Variants in CAMSAP2 observed in about 807,000 individuals in gnomAD.
CAMSAP2 encodes the protein calmodulin regulated spectrin associated protein family member 2.
CAMSAP2 carries 26 observed loss-of-function variants against 146.1 expected under a neutral mutation model. The ratio of observed to expected loss-of-function variants is 0.18; its 90% CI spans 0.13 to 0.25. The LOEUF (loss-of-function observed/expected upper bound fraction) is 0.25. Among genes scored for constraint, CAMSAP2 ranks in the 10% least tolerant of loss-of-function variants. The pLI is 1.00. For missense variants in CAMSAP2, 1,381 were observed against 1,759.3 expected (o/e 0.78, Z 3.85); for synonymous variants, 499 against 596.6 (o/e 0.84, Z 2.38).
chr1:200,802,111 T>C (rs1666050571), intron 2 of CAMSAP2, among the ~76,000 whole-genome samples: 1 of 152,232 alleles, frequency 6.6e-6, no homozygotes, highest in Non-Finnish European at 1.5e-5. Flanking sequence ...TAAGAATGTC[T>C]TTGGATTGGA....
chr1:200,849,927 G>A lies in CAMSAP2; in HGVS notation c.3158G>A (p.Arg1053His), dbSNP rs749379760. 29 of 1,614,016 alleles carry A rather than the reference G, an allele frequency of 1.8e-5. No individual in the cohort carries two copies. Among genetic ancestry groups the A allele is most frequent in the Admixed American group, 6.7e-5 (4 of 59,990 alleles). The change falls in exon 11 of 17, where the codon CGT becomes CAT. Residue 1053 changes from arginine to histidine, a missense_variant. Coordinates refer to ENST00000358823, the MANE Select transcript of CAMSAP2 (RefSeq NM_203459.4). The surrounding 1 kb of genome is among the most constrained non-coding windows in gnomAD (Gnocchi z 6.3). ...GAATCCAAAGGGACTTTGGAACAGC[G>A]TGGACATAATCCAGAAGAAAAGGAA... The part of the protein sequence containing the change: ...ELESKGTLEQ[R>H]GHNPEEKEIK...
chr1:200,845,411 A>G (rs1046401909), intron 8 of CAMSAP2, among the ~76,000 whole-genome samples: 3 of 152,132 alleles, frequency 2.0e-5, no homozygotes, highest in African/African-American at 7.2e-5. Context: ...TAAGGAGGAC[A>G]CCGGGAATAA....
intron 4 of CAMSAP2, among the ~76,000 whole-genome samples, chr1:200,820,907 AC>A (rs1666743612): frequency 6.6e-6 from 1 of 152,098 alleles, no homozygotes; most frequent in Non-Finnish European, 1.5e-5. Context: ...AATTTAGAAA[AC>A]GGTAATTTTT....
chr1:200,777,523 A>T (rs1218413055), intron 2 of CAMSAP2, among the ~76,000 whole-genome samples: 2 of 152,146 alleles, frequency 1.3e-5, no homozygotes, highest in Non-Finnish European at 2.9e-5. Context: ...AGTACTAAAA[A>T]GTGCTCAACA....
At chr1:200,820,087 G>A (rs1415975932) in intron 4 of CAMSAP2, among the ~76,000 whole-genome samples, 1 of 150,292 alleles carries the variant, frequency 6.7e-6, no homozygotes, top group Non-Finnish European at 1.5e-5. Context: ...TTGAGACGGA[G>A]TTTTGCTCCG....
intron 2 of CAMSAP2, among the ~76,000 whole-genome samples, chr1:200,781,247 G>A (rs547568755): frequency 2.0e-5 from 3 of 152,246 alleles, no homozygotes; most frequent in South Asian, 4.1e-4. Context: ...TTTGAAGTAC[G>A]GCATATGTGA....
At chr1:200,782,576 A>T (rs1006699408) in intron 2 of CAMSAP2, among the ~76,000 whole-genome samples, 1 of 151,998 alleles carries the variant, frequency 6.6e-6, no homozygotes, top group Non-Finnish European at 1.5e-5. Flanking sequence ...CTCTTTTTTT[A>T]CTAGATTCTT....
rs866166477 is a variant in CAMSAP2, at chr1:200,806,781, C to G, written c.400-595C>G. Among the ~76,000 whole-genome samples the G allele has an allele frequency of 4.6e-3, 688 of 149,080 alleles. 1 individual carries two copies. The highest frequency in any genetic ancestry group is 7.6e-3 in the African/African-American group (310 of 40,858). ...TGTGTGTGTGTATCTATCTATCTAT[C>G]TATCTATCTATCTATCTATCTATCT... On this transcript the variant is annotated intron_variant, in intron 2 of 16. Transcript: ENST00000358823.
rs568059569 is a variant in CAMSAP2, at chr1:200,744,902, C to T, written c.139+4936C>T. Among the ~76,000 whole-genome samples the T allele has an allele frequency of 7.9e-5, 12 of 151,348 alleles. 1 individual carries two copies. The South Asian group carries it at 1.5e-3, about 18-fold the overall frequency. On this transcript the variant is annotated intron_variant, in intron 1 of 16. Transcript: ENST00000358823. ...TGAGAGAGCCAGCTTGAAAGACAAA[C>T]GGACAGAATTATGTGAAGGGTGAGG... is the stretch of plus-strand genomic sequence containing the variant.
intron 2 of CAMSAP2, among the ~76,000 whole-genome samples, chr1:200,790,839 T>A (rs1288617855): frequency 1.3e-5 from 2 of 152,112 alleles, no homozygotes; most frequent in Non-Finnish European, 2.9e-5. Context: ...AAAGTTATCT[T>A]TATTTTACCT....
At chr1:200,854,305 T>A (rs913400503) in intron 13 of CAMSAP2, among the ~76,000 whole-genome samples, 3 of 152,144 alleles carry the variant, frequency 2.0e-5, no homozygotes, top group African/African-American at 7.2e-5. Flanking sequence ...TAAAAAAATC[T>A]TGGGGGGCAG....
intron 2 of CAMSAP2, among the ~76,000 whole-genome samples, chr1:200,782,403 T>C (rs1455160782): frequency 6.6e-6 from 1 of 152,174 alleles, no homozygotes; most frequent in Non-Finnish European, 1.5e-5. Context: ...ACCACTACAG[T>C]TGAGATATAG....
intron 7 of CAMSAP2, among the ~76,000 whole-genome samples, chr1:200,842,439 C>T (rs369103087): frequency 4.6e-5 from 7 of 152,002 alleles, no homozygotes; most frequent in South Asian, 4.1e-4. Flanking sequence ...GGCCTTAACC[C>T]GCAACTCGAA....
At chr1:200,827,696 A>G (rs1666939813) in intron 4 of CAMSAP2, among the ~76,000 whole-genome samples, 2 of 93,066 alleles carry the variant, frequency 2.1e-5, no homozygotes, top group South Asian at 7.9e-4. Context: ...TTCTGTTTAT[A>G]CGGAAAAACT....
Position 200,853,160 on chromosome 1 carries a change from T to C in CAMSAP2, c.3603-115T>C. On this transcript the variant is annotated intron_variant, in intron 12 of 16. Coordinates refer to ENST00000358823, the MANE Select transcript of CAMSAP2 (RefSeq NM_203459.4). This position sits in a 1 kb window ranked among gnomAD's most constrained non-coding sequence, Gnocchi z 5.1. ...TCAAGTACCTTTTAAATGAACCATTTATTCACCAAGGTGATGAAATAGAAT... is the reference window on the plus strand; with the variant it reads ...TCAAGTACCTTTTAAATGAACCATTCATTCACCAAGGTGATGAAATAGAAT... The C allele has an allele frequency of 1.1e-6, 1 of 903,296 alleles. No individual in the cohort carries two copies. Among genetic ancestry groups the C allele is most frequent in the Non-Finnish European group, 1.7e-6 (1 of 582,518 alleles). The allele number at this position is 903,296 out of a possible 1,614,324, so 56.0% of individuals were successfully genotyped here.
intron 3 of CAMSAP2, 60 bp from the exon 4 acceptor site, chr1:200,815,501 T>C (rs1666456874): frequency 1.2e-6 from 1 of 842,488 alleles, no homozygotes; most frequent in East Asian, 2.9e-5. Flanking sequence ...TTTATTGTTA[T>C]ATTTGAATGT....
At chr1:200,770,932 A>T (rs754753559) in intron 2 of CAMSAP2, among the ~76,000 whole-genome samples, 9 of 152,214 alleles carry the variant, frequency 5.9e-5, no homozygotes, top group Non-Finnish European at 1.2e-4. Flanking sequence ...TGGCTAGGCT[A>T]GTTAGTAACA....
rs146968928 is a variant in CAMSAP2, at chr1:200,857,479, A to G, written c.4131+55A>G. 487 of 1,191,152 alleles carry G rather than the reference A, an allele frequency of 4.1e-4. 2 individuals carry two copies. The African/African-American group carries it at 6.8e-3, about 17-fold the overall frequency. The allele number at this position is 1,191,152 out of a possible 1,614,324, so 73.8% of individuals were successfully genotyped here. ...GGCAAACTGTAGAAGTCTTTTATCC[A>G]TTCAAGAGAATGTACTCTCATGGGC... On this transcript the variant is annotated intron_variant, in intron 16 of 16. Coordinates refer to ENST00000358823, the MANE Select transcript of CAMSAP2 (RefSeq NM_203459.4). This position sits in a 1 kb window ranked among gnomAD's most constrained non-coding sequence, Gnocchi z 4.7.
intron 2 of CAMSAP2, among the ~76,000 whole-genome samples, chr1:200,799,194 T>G (rs184506801): frequency 2.8e-3 from 426 of 152,302 alleles, no homozygotes; most frequent in African/African-American, 9.4e-3. Context: ...AAAAGAGTTA[T>G]GGAGAAGTCC....
Sources: allele counts gnomAD v4.1 joint callset (sites outside exome capture counted in the v4.1 genomes callset), GRCh38; gene constraint gnomAD v4.1.1; non-coding constraint Gnocchi (gnomAD v3.1); transcripts MANE v1.5; gene names NCBI Gene and HGNC (gene_info 2026-07-23, HGNC 2026-07-21).